Variants in PLPPR4 observed in about 807,000 individuals in gnomAD.
PLPPR4 encodes the protein phospholipid phosphatase-related protein type 4.
A neutral mutation model predicts 56.6 loss-of-function variants in PLPPR4; 24 were observed. The ratio of observed to expected loss-of-function variants is 0.42; its 90% CI spans 0.31 to 0.60. The LOEUF is 0.60. PLPPR4 is among the 20% of genes least tolerant of loss of function. The pLI is 0.13. For missense variants in PLPPR4, 654 were observed against 885.8 expected (o/e 0.74, Z 3.32); for synonymous variants, 326 against 328.1 (o/e 0.99, Z 0.07).
chr1:99,276,904 T>G (rs1001483326), intron 1 of PLPPR4, among the ~76,000 whole-genome samples: 10 of 152,290 alleles, frequency 6.6e-5, no homozygotes, highest in Admixed American at 5.2e-4. Flanking sequence ...TCATTGACAC[T>G]CTCACAAAAT....
At chr1:99,302,770 T>A (rs938125700) in intron 6 of PLPPR4, among the ~76,000 whole-genome samples, 39 of 148,522 alleles carry the variant, frequency 2.6e-4, no homozygotes, top group Non-Finnish European at 4.9e-4. Context: ...CGGTGTTTGG[T>A]TTTTTATCTT....
rs819905 is a variant in PLPPR4 at position 99,294,989 on chromosome 1, T to C, written c.265-1749T>C. ...AATGATGAATTTGAGGTAGCAGTTA[T>C]ATTATTCTGTGTAATTGTTGTACTA... On this transcript the variant is annotated intron_variant, in intron 2 of 6. Transcript: ENST00000370185. Among the ~76,000 whole-genome samples, 931 of 152,352 alleles carry C rather than the reference T, an allele frequency of 6.1e-3. 8 individuals carry two copies. Among genetic ancestry groups the C allele is most frequent in the African/African-American group, 0.021 (854 of 41,586 alleles).
chr1:99,271,063 C>T (rs1297310401), intron 1 of PLPPR4, among the ~76,000 whole-genome samples: 6 of 152,100 alleles, frequency 3.9e-5, no homozygotes, highest in Admixed American at 3.9e-4. Context: ...GGCCAAGTTA[C>T]TCAAAATGTG....
At position 99,306,551 on chromosome 1, in the gene PLPPR4, C is replaced by T; in HGVS notation, c.1689C>T (p.Thr563=). ...VSCTGSIRYK[T]LTDHEPSGIV... ...GCACTGGCTCCATCCGCTATAAAACCTTGACAGACCATGAGCCCAGTGGGA... is the reference window on the plus strand; with the variant it reads ...GCACTGGCTCCATCCGCTATAAAACTTTGACAGACCATGAGCCCAGTGGGA... The change falls in exon 7 of 7, where the codon ACC becomes ACT. Residue 563 remains threonine, a synonymous_variant. Coordinates refer to ENST00000370185, the MANE Select transcript of PLPPR4 (RefSeq NM_014839.5). The surrounding 1 kb of genome is among the most constrained non-coding windows in gnomAD (Gnocchi z 4.0). 1 of 1,614,132 alleles carries T rather than the reference C, an allele frequency of 6.2e-7. No homozygotes were observed. Among genetic ancestry groups the T allele is most frequent in the Non-Finnish European group, 8.5e-7 (1 of 1,180,018 alleles).
intron 1 of PLPPR4, 149 bp downstream of exon 1, chr1:99,264,820 T>A (rs921841383): frequency 6.2e-6 from 5 of 803,078 alleles, no homozygotes; most frequent in African/African-American, 3.4e-5. Flanking sequence ...TCCCCTAGAT[T>A]TCACAGCAGC....
At chr1:99,303,090 C>G (rs1659926099) in intron 6 of PLPPR4, among the ~76,000 whole-genome samples, 3 of 152,040 alleles carry the variant, frequency 2.0e-5, no homozygotes, top group African/African-American at 7.2e-5. Flanking sequence ...AAAGACGTCA[C>G]AAAAGTGATG....
At chr1:99,280,210 A>T (rs1659286748) in intron 1 of PLPPR4, among the ~76,000 whole-genome samples, 2 of 152,094 alleles carry the variant, frequency 1.3e-5, no homozygotes. Context: ...CAACTTAGAC[A>T]CCTGGGTAGG....
chr1:99,301,849 T>C lies in PLPPR4; in HGVS notation c.774T>C (p.Val258=). 1.9e-6 allele frequency: 3 copies of C among 1,612,484 alleles called. No individual in the cohort carries two copies. Among genetic ancestry groups the C allele is most frequent in the Non-Finnish European group, 2.5e-6 (3 of 1,178,860 alleles). Residue 258 remains valine (V), a synonymous_variant, in exon 6 of 7, where the codon GTT becomes GTC. Coordinates refer to ENST00000370185, the MANE Select transcript of PLPPR4 (RefSeq NM_014839.5). The part of the protein sequence containing the change: ...TRITQYKNHP[V]DVYCGFLIGG... ...TAACTCAGTATAAGAACCACCCAGTTGATGTCTATTGTGGCTTTTTAATAG... is the reference window on the plus strand; with the variant it reads ...TAACTCAGTATAAGAACCACCCAGTCGATGTCTATTGTGGCTTTTTAATAG...
intron 1 of PLPPR4, among the ~76,000 whole-genome samples, chr1:99,272,724 A>T (rs941065790): frequency 1.4e-4 from 22 of 152,206 alleles, no homozygotes; most frequent in Non-Finnish European, 2.8e-4. Flanking sequence ...CAGAGAGTAC[A>T]GGGAAGTATA....
At chr1:99,263,128 A>G (rs1570900616), upstream of PLPPR4, among the ~76,000 whole-genome samples, 1 of 152,300 alleles carries the variant, frequency 6.6e-6, no homozygotes, top group East Asian at 1.9e-4. Context: ...AGAAAAAATT[A>G]TAGAATCGTG....
At chr1:99,279,442 C>A (rs564257925) in intron 1 of PLPPR4, among the ~76,000 whole-genome samples, 272 of 152,218 alleles carry the variant, frequency 1.8e-3, no homozygotes, top group African/African-American at 6.1e-3. Flanking sequence ...AAGATATTCC[C>A]AAAACCAAAA....
intron 1 of PLPPR4, among the ~76,000 whole-genome samples, chr1:99,286,550 A>G (rs1226281348): frequency 5.9e-5 from 9 of 152,200 alleles, no homozygotes. Context: ...GCAAGATGAT[A>G]AAGTAGAGAG....
At chr1:99,267,124 A>G (rs1232736559) in intron 1 of PLPPR4, among the ~76,000 whole-genome samples, 4 of 152,246 alleles carry the variant, frequency 2.6e-5, no homozygotes, top group African/African-American at 9.6e-5. Context: ...TAACAAGAAG[A>G]GGCTAACAAA....
chr1:99,305,653 CATG>C (rs1206476668), intron 6 of PLPPR4, 29 bp from the exon 7 acceptor site: 4 of 1,586,472 alleles, frequency 2.5e-6, no homozygotes, highest in Non-Finnish European at 3.4e-6. Flanking sequence ...TCTTCTAGTG[CATG>C]ATATTTATTG....
intron 6 of PLPPR4, among the ~76,000 whole-genome samples, chr1:99,302,215 G>A (rs1347742676): frequency 6.6e-6 from 1 of 152,022 alleles, no homozygotes; most frequent in African/African-American, 2.4e-5. Flanking sequence ...ATTGCCAAAA[G>A]TAAGGTTAGT....
At chr1:99,281,302 C>T (rs1457883097) in intron 1 of PLPPR4, among the ~76,000 whole-genome samples, 10 of 152,112 alleles carry the variant, frequency 6.6e-5, no homozygotes, top group Admixed American at 6.6e-4. Flanking sequence ...TCACACTGCC[C>T]TGTTTCAATT....
Position 99,306,330 on chromosome 1 carries a change from G to A in PLPPR4, c.1468G>A (p.Glu490Lys). 6.2e-7 allele frequency: 1 copy of A among 1,614,182 alleles called. No individual in the cohort carries two copies. Among genetic ancestry groups the A allele is most frequent in the Non-Finnish European group, 8.5e-7 (1 of 1,180,024 alleles). ...GTCCTCACAGTTGGTGCACATCCCTGAGGAGACTCAGGAAAACATAAGCAC... is the reference window on the plus strand; with the variant it reads ...GTCCTCACAGTTGGTGCACATCCCTAAGGAGACTCAGGAAAACATAAGCAC... ...PGSSQLVHIP[E>K]ETQENISTSP... The change falls in exon 7 of 7, where the codon GAG (glutamate) becomes AAG (lysine). Residue 490 changes from glutamate to lysine, a missense_variant. Physicochemically the swap from Glu to Lys is moderately conservative, Grantham distance 56. Coordinates refer to ENST00000370185, the MANE Select transcript of PLPPR4 (RefSeq NM_014839.5). This position sits in a 1 kb window ranked among gnomAD's most constrained non-coding sequence, Gnocchi z 4.0.
intron 2 of PLPPR4, among the ~76,000 whole-genome samples, chr1:99,295,782 G>A (rs1659724735): frequency 6.6e-6 from 1 of 152,174 alleles, no homozygotes; most frequent in Non-Finnish European, 1.5e-5. Context: ...ACCGTGCCAG[G>A]CACTGTGCTT....
chr1:99,299,220 A>G lies in PLPPR4; in HGVS notation c.580A>G (p.Asn194Asp). 1 of 1,612,640 alleles carries G rather than the reference A, an allele frequency of 6.2e-7. No individual in the cohort carries two copies. Residue 194 changes from asparagine (N) to aspartate (D), a missense_variant, in exon 4 of 7, where the codon AAC becomes GAC. Physicochemically the swap from Asn to Asp is conservative, Grantham distance 23 (BLOSUM62 1). This residue lies in a region of PLPPR4 where 186 missense variants were observed against 331.4 expected (regional missense o/e 0.56). Coordinates refer to ENST00000370185, the MANE Select transcript of PLPPR4 (RefSeq NM_014839.5). ...CTCAGGATCTGACCTCACAGTTATC[A>G]ACAGTGGCAGGTTAGAAACAGATCT... is the stretch of plus-strand genomic sequence containing the variant. The part of the protein sequence containing the change: ...ICSGSDLTVI[N>D]SGRKSFPSQH...
Sources: gnomAD v4.1 joint callset for allele counts (sites outside exome capture counted in the v4.1 genomes callset) on GRCh38, gnomAD v4.1.1 for gene constraint, gnomAD v4.1.1 regional missense constraint, Gnocchi (gnomAD v3.1) non-coding constraint, MANE v1.5 for transcripts, NCBI Gene and HGNC (gene_info 2026-07-23, HGNC 2026-07-21) for gene names.